GRK6: variants seen among roughly 807,000 people sequenced by gnomAD.
GRK6 encodes the protein G protein-coupled receptor kinase 6.
GRK6 carries 37 observed loss-of-function variants against 80.8 expected under a neutral mutation model. The observed-to-expected ratio is 0.46, with a 90% CI of 0.35 to 0.60. The LOEUF is 0.60. GRK6 is among the 20% of genes least tolerant of loss of function. The pLI, the probability that GRK6 is intolerant of heterozygous loss-of-function variation, is 0.00. For synonymous variants in GRK6, 295 were observed against 320.9 expected (o/e 0.92, Z 0.86); for missense variants, 560 against 784.6 (o/e 0.71, Z 3.42).
At chr5:177,431,648 G>T (rs998004733) in intron 2 of GRK6, 3 of 296,202 alleles carry the variant, frequency 1.0e-5, no homozygotes, top group African/African-American at 2.3e-5. Context: ...GCCTGGCCCC[G>T]GCTGGGCTGG....
intron 4 of GRK6, 132 bp downstream of exon 4, chr5:177,432,442 A>G: frequency 2.1e-6 from 2 of 951,204 alleles, no homozygotes; most frequent in Admixed American, 4.1e-5. Context: ...CTGGACAGAG[A>G]GTGCCCTGGA....
chr5:177,441,041 C>T lies in GRK6; in HGVS notation c.1665C>T (p.Leu555=). The change falls in exon 15 of 16, where the codon CTC becomes CTT. Residue 555 remains leucine, a synonymous_variant. Transcript: ENST00000355472. ...APPKKGLLQR[L]FSRQDCCGNC... Reference sequence around the variant, plus strand: ...CTAAAAAGGGACTGCTGCAGAGACTCTTCAGTCGCCAAGTAAGCCCCAGCA... The same window carrying T: ...CTAAAAAGGGACTGCTGCAGAGACTTTTCAGTCGCCAAGTAAGCCCCAGCA... 2.5e-6 allele frequency: 4 copies of T among 1,613,862 alleles called. No homozygotes were observed. The highest frequency in any genetic ancestry group is 2.2e-5 in the South Asian group (2 of 91,066).
At chr5:177,430,591 CTG>C in intron 1 of GRK6, 1 of 432,240 alleles carries the variant, frequency 2.3e-6, no homozygotes, top group Admixed American at 3.9e-5. Context: ...CGGGAAGCAA[CTG>C]GGGCTGGACC....
Position 177,440,831 on chromosome 5 carries a change from G to A in GRK6, c.1536G>A (p.Gln512=). The change falls in exon 14 of 16, where the codon CAG becomes CAA. Residue 512 remains glutamine (Q), a synonymous_variant. Transcript: ENST00000355472. The part of the protein sequence containing the change: ...FATGSVPIPW[Q]NEMVETECFQ... ...CAGGCAGTGTGCCCATCCCCTGGCA[G>A]AACGAGGTGGGGGCCTGCCCTGCTG... The A allele has an allele frequency of 1.2e-6, 2 of 1,614,040 alleles. No individual in the cohort carries two copies. Among genetic ancestry groups the A allele is most frequent in the Non-Finnish European group, 1.7e-6 (2 of 1,180,014 alleles).
chr5:177,441,177 G>A, intron 15 of GRK6, 124 bp downstream of exon 15: 2 of 1,479,206 alleles, frequency 1.4e-6, no homozygotes, highest in South Asian at 1.2e-5. Context: ...TGGTGCCCAG[G>A]GTCTCTGGCC....
chr5:177,431,953 C>T, intron 2 of GRK6, 42 bp from the exon 3 acceptor site: 1 of 1,569,460 alleles, frequency 6.4e-7, no homozygotes, highest in Non-Finnish European at 8.8e-7. Flanking sequence ...CACCCATGTG[C>T]TCTCGGGCTG....
rs1462469316 is a variant in GRK6, at chr5:177,441,850, C to T, written c.*60C>T. On this transcript the variant is annotated 3_prime_UTR_variant, in exon 16 of 16. Coordinates refer to ENST00000355472, the MANE Select transcript of GRK6 (RefSeq NM_001004106.3). ...TAGCAGCTACTCCGAGCGCCGTTTA[C>T]AGTTTTGCACAGTGATCTTCCCCAT... The T allele has an allele frequency of 1.5e-5, 21 of 1,430,742 alleles. No homozygotes were observed. Among genetic ancestry groups the T allele is most frequent in the Non-Finnish European group, 1.9e-5 (19 of 1,017,592 alleles). The allele number at this position is 1,430,742 out of a possible 1,614,324, so 88.6% of individuals were successfully genotyped here.
At chr5:177,440,656 G>T in intron 13 of GRK6, 44 bp from the exon 14 acceptor site, 1 of 1,607,160 alleles carries the variant, frequency 6.2e-7, no homozygotes, top group Non-Finnish European at 8.5e-7. Flanking sequence ...CTTCGCGTGT[G>T]CGTGTGTGTG....
At chr5:177,436,926 C>G (rs1764187391) in intron 13 of GRK6, among the ~76,000 whole-genome samples, 1 of 151,880 alleles carries the variant, frequency 6.6e-6, no homozygotes, top group African/African-American at 2.4e-5. Flanking sequence ...GTTCTTTTTT[C>G]CCTTCTTTTT....
At chr5:177,426,544 G>A (rs1008758206), upstream of GRK6, 1 of 151,786 alleles carries the variant, frequency 6.6e-6, no homozygotes, top group Non-Finnish European at 1.5e-5. Flanking sequence ...AGCTGGGGGG[G>A]CGGGGGAAAA....
At chr5:177,440,652 G>A (rs1449933223) in intron 13 of GRK6, 48 bp from the exon 14 acceptor site, 14 of 1,604,154 alleles carry the variant, frequency 8.7e-6, no homozygotes, top group South Asian at 2.2e-5. Context: ...CTGCCTTCGC[G>A]TGTGCGTGTG....
In GRK6 at chr5:177,430,967, G is replaced by A. The variant is rs576317155; in HGVS notation, c.148G>A (p.Glu50Lys). The A allele has an allele frequency of 3.1e-6, 5 of 1,612,458 alleles. No individual in the cohort carries two copies. The highest frequency in any genetic ancestry group is 4.2e-6 in the Non-Finnish European group (5 of 1,179,144). The change falls in exon 2 of 16, where the codon GAG becomes AAG. Residue 50 changes from glutamate (E) to lysine (K), a missense_variant and splice_region_variant. Around this residue, in one of 3 missense-constraint regions of GRK6, gnomAD observed 189 missense variants for 230.2 expected, o/e 0.82. Coordinates refer to ENST00000355472, the MANE Select transcript of GRK6 (RefSeq NM_001004106.3). Reference protein sequence around the residue: ...SQCEELRLSLERDYHSLCERQ... With the variant: ...SQCEELRLSLKRDYHSLCERQ... ...GTGCGAAGAGCTGCGGCTCAGCCTC[G>A]GTGAGGCCTGGGCAGAGACTGGGGG...
chr5:177,430,081 G>A (rs887850666), intron 1 of GRK6, among the ~76,000 whole-genome samples: 4 of 151,726 alleles, frequency 2.6e-5, no homozygotes, highest in Non-Finnish European at 5.9e-5. Context: ...CTGCAATTCC[G>A]GCTGCTTTTG....
intron 15 of GRK6, 29 bp downstream of exon 15, chr5:177,441,082 C>T: frequency 6.2e-7 from 1 of 1,610,378 alleles, no homozygotes. Context: ...CTACCTGGGC[C>T]CCTAACCTGG....
At chr5:177,438,237 G>A (rs772983558) in intron 13 of GRK6, among the ~76,000 whole-genome samples, 7 of 152,116 alleles carry the variant, frequency 4.6e-5, no homozygotes, top group African/African-American at 1.7e-4. Context: ...GCATGGTGGC[G>A]CATGCCTGTA....
chr5:177,440,736 G>C lies in GRK6; in HGVS notation c.1441G>C (p.Glu481Gln). ...TTACTGCAAGGATGTTCTGGACATT[G>C]AACAGTTCTCTACGGTCAAGGGCGT... ...AIYCKDVLDI[E>Q]QFSTVKGVEL... Residue 481 changes from glutamate (E) to glutamine (Q), a missense_variant, in exon 14 of 16, where the codon GAA (glutamate) becomes CAA (glutamine). Glu to Gln is a conservative substitution (Grantham distance 29). Transcript: ENST00000355472. The C allele has an allele frequency of 6.2e-7, 1 of 1,614,208 alleles. No homozygotes were observed. Among genetic ancestry groups the C allele is most frequent in the South Asian group, 1.1e-5 (1 of 91,074 alleles).
chr5:177,431,043 T>G (rs1763869488), intron 2 of GRK6, 76 bp downstream of exon 2: 2 of 1,290,238 alleles, frequency 1.6e-6, no homozygotes, highest in Non-Finnish European at 2.2e-6. Flanking sequence ...CCTGAGACCT[T>G]GCCCCGGAGC....
chr5:177,431,283 A>G (rs1763878586), intron 2 of GRK6, among the ~76,000 whole-genome samples: 1 of 152,204 alleles, frequency 6.6e-6, no homozygotes, highest in African/African-American at 2.4e-5. Context: ...CAGAGGGAGC[A>G]GCAGCTGGGC....
chr5:177,425,937 G>C (rs528665529), upstream of GRK6, among the ~76,000 whole-genome samples: 2 of 152,370 alleles, frequency 1.3e-5, no homozygotes, highest in South Asian at 2.1e-4. Flanking sequence ...CTCATCCCGA[G>C]GTCTAGGGGT....
Sources: gnomAD v4.1 joint callset for allele counts (sites outside exome capture counted in the v4.1 genomes callset) on GRCh38, gnomAD v4.1.1 for gene constraint, gnomAD v4.1.1 regional missense constraint, MANE v1.5 for transcripts, NCBI Gene and HGNC (gene_info 2026-07-23, HGNC 2026-07-21) for gene names.